The following PTPRD variants were observed in gnomAD, a reference collection of about 807,000 sequenced individuals.
The protein encoded by PTPRD is protein tyrosine phosphatase receptor type D.
Under a neutral mutation model 214.5 loss-of-function variants are expected in PTPRD, and 34 were observed. The observed-to-expected ratio is 0.16, with a 90% CI of 0.12 to 0.21. PTPRD has a LOEUF of 0.21. Ranked by LOEUF, PTPRD falls within the 10% of genes least tolerant of loss-of-function variation. The pLI, the probability that PTPRD is intolerant of heterozygous loss-of-function variation, is 1.00. For missense variants in PTPRD, 2,545 were observed against 2,398.7 expected (o/e 1.06, Z -1.27); for synonymous variants, 1,128 against 845.7 (o/e 1.33, Z -5.79).
At chr9:9,088,352 C>A (rs2099770437) in intron 10 of PTPRD, among the ~76,000 whole-genome samples, 1 of 151,512 alleles carries the variant, frequency 6.6e-6, no homozygotes, top group African/African-American at 2.4e-5. Flanking sequence ...CTTTGGGAGG[C>A]CGAGGCAGCT....
At chr9:9,541,333 T>C (rs1408286935) in intron 8 of PTPRD, among the ~76,000 whole-genome samples, 1 of 151,778 alleles carries the variant, frequency 6.6e-6, no homozygotes, top group Non-Finnish European at 1.5e-5. Context: ...AGAGGTCATA[T>C]GGAGGCGCTC....
At chr9:9,778,473 G>T (rs2761720) in intron 5 of PTPRD, among the ~76,000 whole-genome samples, 67,707 of 151,852 alleles carry the variant, frequency 0.45, 15,618 homozygotes, top group East Asian at 0.7. Context: ...GCCCATCCCC[G>T]GGAACTCCCC....
At chr9:9,853,169 T>C (rs1366531519) in intron 5 of PTPRD, among the ~76,000 whole-genome samples, 3 of 152,178 alleles carry the variant, frequency 2.0e-5, no homozygotes, top group Admixed American at 6.5e-5. Context: ...AGATAGTAAA[T>C]ATCTTAGCCT....
At chr9:9,952,661 T>C (rs754464958) in intron 4 of PTPRD, among the ~76,000 whole-genome samples, 4 of 151,854 alleles carry the variant, frequency 2.6e-5, no homozygotes, top group Non-Finnish European at 5.9e-5. Context: ...CCCTAAAGAG[T>C]CCTTGCACCA....
At chr9:9,178,488 T>C (rs2099926268) in intron 10 of PTPRD, among the ~76,000 whole-genome samples, 1 of 152,136 alleles carries the variant, frequency 6.6e-6, no homozygotes, top group East Asian at 1.9e-4. Flanking sequence ...GGGCAGGACA[T>C]TTGCCTTCTC....
At chr9:10,096,844 G>A (rs539376405) in intron 3 of PTPRD, among the ~76,000 whole-genome samples, 137 of 151,920 alleles carry the variant, frequency 9.0e-4, no homozygotes, top group Non-Finnish European at 1.7e-3. Context: ...TAATGCCTAG[G>A]TTTTCTTCTA....
At chr9:9,650,822 A>G (rs1238281871) in intron 7 of PTPRD, among the ~76,000 whole-genome samples, 1 of 152,144 alleles carries the variant, frequency 6.6e-6, no homozygotes, top group Non-Finnish European at 1.5e-5. Context: ...AAATACAGTA[A>G]TATAAATTTG....
intron 12 of PTPRD, among the ~76,000 whole-genome samples, chr9:8,655,264 A>G (rs1298500890): frequency 1.3e-5 from 2 of 152,156 alleles, no homozygotes; most frequent in Non-Finnish European, 2.9e-5. Flanking sequence ...ATCAACAAAT[A>G]CAACTTCTGC....
chr9:8,529,443 T>A (rs1459928801), intron 14 of PTPRD, among the ~76,000 whole-genome samples: 1 of 152,138 alleles, frequency 6.6e-6, no homozygotes, highest in African/African-American at 2.4e-5. Context: ...AAGCAACTCC[T>A]TATTAATGGC....
chr9:8,508,903 G>C (rs1026023533), intron 21 of PTPRD, among the ~76,000 whole-genome samples: 2 of 151,520 alleles, frequency 1.3e-5, no homozygotes, highest in Admixed American at 6.6e-5. Flanking sequence ...GTGTGTGTGT[G>C]TGTGTGTGTG....
At chr9:10,027,306 G>T (rs1425210796) in intron 4 of PTPRD, among the ~76,000 whole-genome samples, 2 of 152,134 alleles carry the variant, frequency 1.3e-5, no homozygotes, top group Non-Finnish European at 2.9e-5. Context: ...ATAGTTGTTT[G>T]AGATAAAAGC....
At chr9:10,305,763 C>A (rs1208908764) in intron 3 of PTPRD, among the ~76,000 whole-genome samples, 1 of 152,086 alleles carries the variant, frequency 6.6e-6, no homozygotes, top group East Asian at 1.9e-4. Flanking sequence ...ATTAAAAAGT[C>A]AGGAAACAAC....
intron 3 of PTPRD, among the ~76,000 whole-genome samples, chr9:10,179,955 G>A (rs1227144301): frequency 6.6e-6 from 1 of 151,792 alleles, no homozygotes; most frequent in African/African-American, 2.4e-5. Flanking sequence ...GTCTTAAAAA[G>A]GGAAAATATG....
intron 5 of PTPRD, among the ~76,000 whole-genome samples, chr9:9,807,071 CCA>C (rs1421140744): frequency 6.6e-5 from 10 of 152,108 alleles, no homozygotes; most frequent in Non-Finnish European, 1.5e-4. Flanking sequence ...TGGCCCTCTT[CCA>C]AGTATATTTC....
intron 11 of PTPRD, among the ~76,000 whole-genome samples, chr9:8,966,210 C>G (rs1396452808): frequency 6.6e-6 from 1 of 151,996 alleles, no homozygotes; most frequent in African/African-American, 2.4e-5. Flanking sequence ...CTATTCCTAT[C>G]AAATTTCCAA....
chr9:8,408,696 G>A (rs998729825), intron 35 of PTPRD, among the ~76,000 whole-genome samples: 2 of 152,016 alleles, frequency 1.3e-5, no homozygotes, highest in African/African-American at 4.8e-5. Context: ...CCCATATAGC[G>A]TCTAAAGTTT....
At position 8,942,850 on chromosome 9, in the gene PTPRD, T is replaced by C. The variant is rs142533775; in HGVS notation, c.-104+75847A>G. Among the ~76,000 whole-genome samples, 325 of 152,216 alleles carry C rather than the reference T, an allele frequency of 2.1e-3. 3 individuals are homozygous for C. The highest frequency in any genetic ancestry group is 4.5e-3 in the Admixed American group (68 of 15,274). Reference sequence around the variant, plus strand: ...TGCAGAAGAAGCCAAATTATCCTTGTTTGCAGATGGTATTATCTTACACTT... The same window carrying C: ...TGCAGAAGAAGCCAAATTATCCTTGCTTGCAGATGGTATTATCTTACACTT... On this transcript the variant is annotated intron_variant, in intron 11 of 45. Coordinates refer to ENST00000381196, the MANE Select transcript of PTPRD (RefSeq NM_002839.4).
intron 9 of PTPRD, among the ~76,000 whole-genome samples, chr9:9,231,605 G>A (rs2099963142): frequency 6.6e-6 from 1 of 152,014 alleles, no homozygotes; most frequent in Non-Finnish European, 1.5e-5. Context: ...ATATAATTAG[G>A]TATATGCCAA....
chr9:9,605,243 C>A (rs143163871), intron 7 of PTPRD, among the ~76,000 whole-genome samples: 2 of 151,870 alleles, frequency 1.3e-5, no homozygotes, highest in African/African-American at 4.8e-5. Flanking sequence ...ATTTAGAAAA[C>A]GATTCAGTGT....
Sources: allele counts gnomAD v4.1 joint callset (sites outside exome capture counted in the v4.1 genomes callset), GRCh38; gene constraint gnomAD v4.1.1; transcripts MANE v1.5; gene names NCBI Gene and HGNC (gene_info 2026-07-23, HGNC 2026-07-21).